GOLGA4: variants seen among roughly 807,000 people sequenced by gnomAD.
GOLGA4 encodes the protein golgin subfamily A member 4.
In GOLGA4, 169 loss-of-function variants were observed where a neutral mutation model predicts 265.9. The ratio of observed to expected loss-of-function variants is 0.64; its 90% CI spans 0.56 to 0.72. The LOEUF (loss-of-function observed/expected upper bound fraction) is 0.72, where lower values mean the gene tolerates loss of function less well. Ranked by LOEUF, GOLGA4 falls within the 30% of genes least tolerant of loss-of-function variation. The pLI is 0.00. For missense variants in GOLGA4, 2,482 were observed against 2,483.4 expected (o/e 1.00, Z 0.01); for synonymous variants, 923 against 855.8 (o/e 1.08, Z -1.37).
intron 2 of GOLGA4, among the ~76,000 whole-genome samples, chr3:37,253,697 C>T (rs1212409107): frequency 6.6e-6 from 1 of 151,866 alleles, no homozygotes; most frequent in African/African-American, 2.4e-5. Context: ...TTTAAAGCAT[C>T]CTAGATTTTT....
chr3:37,285,578 T>A (rs897962869), intron 3 of GOLGA4, among the ~76,000 whole-genome samples: 3 of 152,228 alleles, frequency 2.0e-5, no homozygotes, highest in South Asian at 4.1e-4. Flanking sequence ...GTGAGCTCAT[T>A]AAAACATAGT....
Position 37,306,626 on chromosome 3 carries a change from G to A in GOLGA4, c.1234+4294G>A, listed in dbSNP as rs540455790. ...GGAAAATAGAGAAAATCACATCACT[G>A]TTGTTTTAGTAAATTTCCATTTAGT... On this transcript the variant is annotated intron_variant, in intron 10 of 23. Coordinates refer to ENST00000361924, the MANE Select transcript of GOLGA4 (RefSeq NM_002078.5). Among the ~76,000 whole-genome samples the A allele has an allele frequency of 2.0e-5, 3 of 151,636 alleles. No individual in the cohort carries two copies. In the South Asian group the frequency reaches 6.2e-4, roughly 32 times the overall value.
At chr3:37,295,780 G>C (rs977897561) in intron 6 of GOLGA4, among the ~76,000 whole-genome samples, 12 of 152,216 alleles carry the variant, frequency 7.9e-5, no homozygotes, top group African/African-American at 2.4e-4. Context: ...TGAAAACCAT[G>C]TGTAGTGAAC....
intron 21 of GOLGA4, among the ~76,000 whole-genome samples, chr3:37,353,042 G>A (rs115352491): frequency 2.6e-4 from 40 of 152,024 alleles, no homozygotes; most frequent in Admixed American, 7.9e-4. Flanking sequence ...TGTGACTCAG[G>A]GAATAGAGAA....
chr3:37,324,585 A>G lies in GOLGA4; in HGVS notation c.2699A>G (p.Glu900Gly). The change falls in exon 14 of 24, where the codon GAA becomes GGA. Residue 900 changes from glutamate to glycine, a missense_variant. Transcript: ENST00000361924. ...CTTGAAGATGGTAACAAAGAACAGG[A>G]ACAGACAAAGCAAATCTTGGTGGAA... ...SKLEDGNKEQ[E>G]QTKQILVEKE... 1 of 1,613,978 alleles carries G rather than the reference A, an allele frequency of 6.2e-7. No individual in the cohort carries two copies. The highest frequency in any genetic ancestry group is 8.5e-7 in the Non-Finnish European group (1 of 1,179,948).
At chr3:37,292,390 A>C (rs2096867060) in intron 5 of GOLGA4, among the ~76,000 whole-genome samples, 1 of 152,194 alleles carries the variant, frequency 6.6e-6, no homozygotes, top group African/African-American at 2.4e-5. Context: ...TATTTCATTA[A>C]AGTAGTTGTG....
intron 23 of GOLGA4, among the ~76,000 whole-genome samples, 176 bp downstream of exon 23, chr3:37,361,481 C>T (rs1696267135): frequency 6.6e-6 from 1 of 152,144 alleles, no homozygotes; most frequent in South Asian, 2.1e-4. Flanking sequence ...TTAAAAATTA[C>T]TACCACCAGT....
intron 21 of GOLGA4, among the ~76,000 whole-genome samples, chr3:37,347,721 A>C (rs924630072): frequency 6.6e-6 from 1 of 152,206 alleles, no homozygotes; most frequent in Non-Finnish European, 1.5e-5. Flanking sequence ...CTTTATAGTT[A>C]CTGTAAGAAA....
chr3:37,358,695 G>A (rs955303901), intron 22 of GOLGA4, among the ~76,000 whole-genome samples: 2 of 152,128 alleles, frequency 1.3e-5, no homozygotes, highest in African/African-American at 4.8e-5. Context: ...TGTAGAACTA[G>A]TCTTTTCTGG....
chr3:37,245,697 A>G (rs896225944), intron 1 of GOLGA4, among the ~76,000 whole-genome samples: 3 of 152,110 alleles, frequency 2.0e-5, no homozygotes, highest in African/African-American at 7.2e-5. Context: ...GGGCATCTGG[A>G]TCAAATAAAA....
intron 2 of GOLGA4, among the ~76,000 whole-genome samples, chr3:37,275,230 AAAAAAAAAAAAG>A: frequency 1.3e-5 from 2 of 149,252 alleles, no homozygotes; most frequent in African/African-American, 2.5e-5. Flanking sequence ...AAAAAAAAAA[AAAAAAAAAAAAG>A]AAAAAAAAAA....
intron 2 of GOLGA4, chr3:37,276,297 A>G (rs566272971): frequency 3.3e-5 from 53 of 1,597,356 alleles, no homozygotes; most frequent in Non-Finnish European, 4.5e-5. Context: ...AAAGATGCAA[A>G]AAATCCAAAT....
At chr3:37,339,904 T>C (rs142197922) in intron 19 of GOLGA4, among the ~76,000 whole-genome samples, 2,547 of 152,330 alleles carry the variant, frequency 0.017, 38 homozygotes, top group Non-Finnish European at 0.029. Flanking sequence ...ATGTATTTTT[T>C]TCTTTTATTC....
chr3:37,362,961 T>C (rs1696447878), intron 23 of GOLGA4, among the ~76,000 whole-genome samples: 1 of 151,710 alleles, frequency 6.6e-6, no homozygotes, highest in South Asian at 2.1e-4. Flanking sequence ...TTTTTGTATT[T>C]TTAGTAGAGA....
chr3:37,303,808 A>G (rs779705998), intron 10 of GOLGA4, among the ~76,000 whole-genome samples: 20 of 152,214 alleles, frequency 1.3e-4, no homozygotes, highest in Non-Finnish European at 2.1e-4. Flanking sequence ...TGCTGCTACT[A>G]TTGTTAATAC....
chr3:37,246,306 C>CAA (rs58075364), intron 1 of GOLGA4, among the ~76,000 whole-genome samples: 20 of 75,496 alleles, frequency 2.6e-4, no homozygotes, highest in Admixed American at 8.0e-4. Context: ...GACTCCGTCT[C>CAA]AAAAAAAAAA....
At chr3:37,262,432 C>T (rs953045047) in intron 2 of GOLGA4, among the ~76,000 whole-genome samples, 3 of 151,872 alleles carry the variant, frequency 2.0e-5, no homozygotes, top group Non-Finnish European at 2.9e-5. Flanking sequence ...ATTAGTTGAA[C>T]GCGGGAGGTG....
chr3:37,279,536 A>G (rs1411496779), intron 2 of GOLGA4, among the ~76,000 whole-genome samples: 1 of 152,006 alleles, frequency 6.6e-6, no homozygotes, highest in East Asian at 1.9e-4. Flanking sequence ...TGGGGCCAAG[A>G]CTCATGTGCT....
At chr3:37,290,319 A>G (rs1294308137) in intron 5 of GOLGA4, among the ~76,000 whole-genome samples, 1 of 152,202 alleles carries the variant, frequency 6.6e-6, no homozygotes, top group African/African-American at 2.4e-5. Flanking sequence ...TATTGCGTGA[A>G]TTAACAATCA....
Sources: gnomAD v4.1 joint callset for allele counts (sites outside exome capture counted in the v4.1 genomes callset) on GRCh38, gnomAD v4.1.1 for gene constraint, MANE v1.5 for transcripts, NCBI Gene and HGNC (gene_info 2026-07-23, HGNC 2026-07-21) for gene names.